Variants in CFAP251 observed in about 807,000 individuals in gnomAD.
CFAP251 encodes the protein cilia and flagella associated protein 251, also known as cilia- and flagella-associated protein 251.
A neutral mutation model predicts 126.7 loss-of-function variants in CFAP251; 93 were observed. That is an observed-to-expected ratio of 0.73 (90% confidence interval 0.62 to 0.87). The LOEUF (loss-of-function observed/expected upper bound fraction) is 0.87, where lower values mean the gene tolerates loss of function less well. CFAP251 is among the 40% of genes least tolerant of loss of function. The probability of loss-of-function intolerance (pLI) is 0.00; values close to 1 mark genes in which losing one functional copy is unlikely to be tolerated. For missense variants in CFAP251, 1,287 were observed against 1,389.2 expected (o/e 0.93, Z 1.17); for synonymous variants, 503 against 506.9 (o/e 0.99, Z 0.10).
chr12:121,931,914 G>T, intron 4 of CFAP251, 28 bp downstream of exon 4: 2 of 1,492,430 alleles, frequency 1.3e-6, no homozygotes, highest in East Asian at 2.5e-5. Context: ...TCCTACAGGT[G>T]GGGGAGTTGT....
chr12:121,928,682 ATATATACGTATATATATATATATTTT>A (rs1880546710), intron 3 of CFAP251, among the ~76,000 whole-genome samples: 10 of 41,796 alleles, frequency 2.4e-4, no homozygotes, highest in Non-Finnish European at 6.3e-4. Flanking sequence ...ATATATATAT[ATATATACGTATATATATATATATTTT>A]TTTTTTGAGA....
intron 7 of CFAP251, among the ~76,000 whole-genome samples, chr12:121,947,119 T>C (rs1193565167): frequency 6.6e-6 from 1 of 152,124 alleles, no homozygotes; most frequent in East Asian, 1.9e-4. Flanking sequence ...TCTTTTATTT[T>C]CTTTTATGTA....
intron 5 of CFAP251, among the ~76,000 whole-genome samples, chr12:121,939,868 G>A (rs1025558023): frequency 1.3e-5 from 2 of 152,134 alleles, no homozygotes; most frequent in African/African-American, 2.4e-5. Context: ...TTTGATTAAT[G>A]TTTGGCCCCA....
intron 19 of CFAP251, 92 bp from the exon 20 acceptor site, chr12:121,999,624 C>T (rs1883102741): frequency 5.1e-6 from 5 of 982,938 alleles, no homozygotes; most frequent in East Asian, 2.6e-5. Flanking sequence ...GCATGAGCCG[C>T]TGCACCAGCC....
At chr12:122,002,699 G>A (rs558728576) in intron 21 of CFAP251, among the ~76,000 whole-genome samples, 5 of 151,920 alleles carry the variant, frequency 3.3e-5, no homozygotes, top group South Asian at 2.1e-4. Flanking sequence ...TCACCTTTTC[G>A]TGCACTGGAC....
chr12:121,951,875 C>G (rs1016298295), intron 9 of CFAP251, among the ~76,000 whole-genome samples: 35 of 151,810 alleles, frequency 2.3e-4, no homozygotes, highest in African/African-American at 8.0e-4. Flanking sequence ...CCTGCCACCA[C>G]GCCCGGCTAA....
chr12:121,978,419 A>AAAAAAAAAAAAAAAAAAAAAC (rs1882535311), intron 19 of CFAP251, among the ~76,000 whole-genome samples: 1 of 147,626 alleles, frequency 6.8e-6, no homozygotes, highest in Non-Finnish European at 1.5e-5. Context: ...AAAAAAAAAA[A>AAAAAAAAAAAAAAAAAAAAAC]AATTATCCGA....
At chr12:122,001,382 G>T in intron 20 of CFAP251, 115 bp from the exon 21 acceptor site, 2 of 1,031,422 alleles carry the variant, frequency 1.9e-6, no homozygotes, top group South Asian at 1.4e-5. Context: ...TTGAGTAAAA[G>T]AAAAAAAAAT....
intron 3 of CFAP251, among the ~76,000 whole-genome samples, chr12:121,929,542 C>T (rs1037446867): frequency 7.2e-5 from 11 of 151,914 alleles, no homozygotes; most frequent in Admixed American, 2.6e-4. Flanking sequence ...GTGTGTCATG[C>T]TTATTATGGG....
chr12:121,959,991 G>C (rs1333500689), intron 13 of CFAP251, among the ~76,000 whole-genome samples: 3 of 152,010 alleles, frequency 2.0e-5, no homozygotes, highest in Non-Finnish European at 4.4e-5. Flanking sequence ...AAACTAGCCA[G>C]GTATGGTGGC....
intron 10 of CFAP251, 114 bp from the exon 11 acceptor site, chr12:121,956,960 A>G: frequency 1.3e-6 from 1 of 746,898 alleles, no homozygotes; most frequent in Non-Finnish European, 2.0e-6. Context: ...TGGGAGTATT[A>G]AATTAAGTTT....
chr12:121,952,240 TAAAAAAAAAAAAAAAA>T (rs558861973), intron 9 of CFAP251, among the ~76,000 whole-genome samples: 1 of 92,098 alleles, frequency 1.1e-5, no homozygotes, highest in Non-Finnish European at 1.9e-5. Flanking sequence ...TCGTTTCTAC[TAAAAAAAAAAAAAAAA>T]AAAAAAAAAA....
intron 3 of CFAP251, among the ~76,000 whole-genome samples, chr12:121,930,748 C>CTTTT (rs72062810): frequency 9.1e-6 from 1 of 109,874 alleles, no homozygotes; most frequent in Admixed American, 9.2e-5. Flanking sequence ...AATTGCCTTT[C>CTTTT]TTTTTTTTTT....
rs1593005013 is a variant in CFAP251, at chr12:121,988,652, G to A, written c.3007-11064G>A. ...CATTCACGAACAGATGGACATTTAC[G>A]TTTTCCCATTTTCTTGGCTATTATG... On this transcript the variant is annotated intron_variant, in intron 19 of 21. Transcript: ENST00000288912. Among the ~76,000 whole-genome samples, 3 of 151,722 alleles carry A rather than the reference G, an allele frequency of 2.0e-5. 1 individual carries two copies. Among genetic ancestry groups the A allele is most frequent in the Admixed American group, 6.6e-5 (1 of 15,228 alleles).
rs199861490 is a variant in CFAP251, at chr12:121,999,384, T to C, written c.3007-332T>C. On this transcript the variant is annotated intron_variant, in intron 19 of 21. Transcript: ENST00000288912. ...GTGGAAAATTAGTATTCTTTTTTTT[T>C]CCCCCCGCCGAGACAGAGTTTCACT... is the stretch of plus-strand genomic sequence containing the variant. 239 of 162,100 alleles carry C rather than the reference T, an allele frequency of 1.5e-3. 6 individuals are homozygous for C. The East Asian group carries it at 0.033, about 22-fold the overall frequency. The allele number at this position is 162,100 out of a possible 1,614,324, so 10.0% of individuals were successfully genotyped here.
intron 3 of CFAP251, among the ~76,000 whole-genome samples, chr12:121,928,652 A>T (rs1223315069): frequency 2.8e-5 from 1 of 35,518 alleles, no homozygotes; most frequent in African/African-American, 4.7e-5. Context: ...ATATATATAT[A>T]TATACGTATA....
chr12:121,984,508 G>A (rs1481718609), intron 19 of CFAP251, among the ~76,000 whole-genome samples: 3 of 152,084 alleles, frequency 2.0e-5, no homozygotes, highest in Non-Finnish European at 4.4e-5. Flanking sequence ...GGGTTTCACG[G>A]TGTTAGCCAG....
chr12:122,001,496 G>A lies in CFAP251; in HGVS notation c.3236-1G>A. 1 of 1,613,374 alleles carries A rather than the reference G, an allele frequency of 6.2e-7. No individual in the cohort carries two copies. Among genetic ancestry groups the A allele is most frequent in the East Asian group, 2.2e-5 (1 of 44,880 alleles). ...TCACCTTCTCACTCTTTGACACACA[G>A]GTGAGCATATGACGGAGGAGGAGAT... is the stretch of plus-strand genomic sequence containing the variant. On this transcript the variant is annotated splice_acceptor_variant, in intron 20 of 21. Transcript: ENST00000288912. LOFTEE classifies it high-confidence loss of function.
At chr12:121,936,738 G>A (rs1364984277) in intron 5 of CFAP251, among the ~76,000 whole-genome samples, 1 of 152,120 alleles carries the variant, frequency 6.6e-6, no homozygotes, top group East Asian at 1.9e-4. Context: ...TTCAGGGAGG[G>A]GCCTGGTTGG....
Sources: gnomAD v4.1 joint callset for allele counts (sites outside exome capture counted in the v4.1 genomes callset) on GRCh38, gnomAD v4.1.1 for gene constraint, MANE v1.5 for transcripts, NCBI Gene and HGNC (gene_info 2026-07-23, HGNC 2026-07-21) for gene names.